Variants in XYLT1 observed in about 807,000 individuals in gnomAD.
The protein encoded by XYLT1 is xylosyltransferase 1.
A neutral mutation model predicts 91.3 loss-of-function variants in XYLT1; 36 were observed. The ratio of observed to expected loss-of-function variants is 0.39; its 90% CI spans 0.30 to 0.52. The LOEUF (loss-of-function observed/expected upper bound fraction) is 0.52. XYLT1 is among the 20% of genes least tolerant of loss of function. The pLI is 0.68. For synonymous variants in XYLT1, 588 were observed against 532.0 expected, an observed-to-expected ratio of 1.11 and a Z score of -1.45; for missense variants, 1,242 against 1,284.5, an observed-to-expected ratio of 0.97 and a Z score of 0.51.
intron 1 of XYLT1, among the ~76,000 whole-genome samples, chr16:17,447,464 G>A (rs1211673730): frequency 7.2e-5 from 11 of 152,206 alleles, no homozygotes; most frequent in South Asian, 4.1e-4. Flanking sequence ...TTTAAGCTCC[G>A]AAAACATTGT....
chr16:17,129,964 G>A lies in XYLT1; in HGVS notation c.2028-2103C>T, dbSNP rs560812559. On this transcript the variant is annotated intron_variant, in intron 9 of 11. Transcript: ENST00000261381. ...GAATCTTCTTTGGACAACAGAAAGTGGTAGAAGGGCTGTCACGTCAGTTCT... is the reference window on the plus strand; with the variant it reads ...GAATCTTCTTTGGACAACAGAAAGTAGTAGAAGGGCTGTCACGTCAGTTCT... 8.5e-5 allele frequency among the ~76,000 whole-genome samples: 13 copies of A among 152,346 alleles called. No homozygotes were observed. The South Asian group carries it at 1.7e-3, about 19-fold the overall frequency.
At position 17,255,095 on chromosome 16, in the gene XYLT1, C is replaced by G. The variant is rs1430868792; in HGVS notation, c.913+3893G>C. Among the ~76,000 whole-genome samples, 4 of 146,682 alleles carry G rather than the reference C, an allele frequency of 2.7e-5. No individual in the cohort carries two copies. The East Asian group carries it at 8.1e-4, about 30-fold the overall frequency. ...CACTGCAACCTCTGCCCCTTGGGTT[C>G]AAGCAATTCTCCTGCCTCAGCCTCT... On this transcript the variant is annotated intron_variant, in intron 3 of 11. Coordinates refer to ENST00000261381, the MANE Select transcript of XYLT1 (RefSeq NM_022166.4).
At chr16:17,317,407 A>T (rs1376576450) in intron 2 of XYLT1, among the ~76,000 whole-genome samples, 3 of 151,690 alleles carry the variant, frequency 2.0e-5, no homozygotes, top group Admixed American at 2.0e-4. Flanking sequence ...CCTAGGCGGG[A>T]GGGTGGTTTG....
intron 2 of XYLT1, among the ~76,000 whole-genome samples, chr16:17,335,561 G>A (rs2034967584): frequency 6.6e-6 from 1 of 151,970 alleles, no homozygotes. Flanking sequence ...ATGGTGGCGG[G>A]CGCCTGTAAT....
At chr16:17,247,170 T>C (rs2033449503) in intron 3 of XYLT1, among the ~76,000 whole-genome samples, 2 of 150,672 alleles carry the variant, frequency 1.3e-5, no homozygotes, top group Admixed American at 6.6e-5. Context: ...CATTCACTCA[T>C]TCACTCATTC....
chr16:17,189,080 C>G (rs2032252604), intron 5 of XYLT1, among the ~76,000 whole-genome samples: 2 of 152,104 alleles, frequency 1.3e-5, no homozygotes, highest in African/African-American at 4.8e-5. Flanking sequence ...AGCCCTGTCT[C>G]CTGAACTCAT....
chr16:17,270,683 C>T (rs1039031982), intron 2 of XYLT1, among the ~76,000 whole-genome samples: 4 of 152,190 alleles, frequency 2.6e-5, no homozygotes, highest in Non-Finnish European at 4.4e-5. Context: ...GGCTTGGCAT[C>T]GCTATTCATT....
chr16:17,170,379 C>T (rs143436684), intron 5 of XYLT1, among the ~76,000 whole-genome samples: 66 of 152,258 alleles, frequency 4.3e-4, no homozygotes, highest in African/African-American at 1.5e-3. Flanking sequence ...CCCAACTGTC[C>T]AGCACAGAGG....
At chr16:17,245,852 G>A (rs2033427847) in intron 3 of XYLT1, among the ~76,000 whole-genome samples, 1 of 152,188 alleles carries the variant, frequency 6.6e-6, no homozygotes, top group African/African-American at 2.4e-5. Context: ...AGAGAAATGG[G>A]AGGTAACCGC....
At chr16:17,131,709 CAAT>C (rs1469608616) in intron 9 of XYLT1, among the ~76,000 whole-genome samples, 1 of 152,120 alleles carries the variant, frequency 6.6e-6, no homozygotes. Flanking sequence ...AAAAAAAAAT[CAAT>C]AAACATTATT....
At chr16:17,418,738 G>C (rs2036211087) in intron 1 of XYLT1, among the ~76,000 whole-genome samples, 1 of 152,008 alleles carries the variant, frequency 6.6e-6, no homozygotes, top group African/African-American at 2.4e-5. Flanking sequence ...GTCCCAGCTA[G>C]TTGGGAGTCT....
intron 1 of XYLT1, 77 bp from the exon 2 acceptor site, chr16:17,358,127 T>C: frequency 7.3e-7 from 1 of 1,375,382 alleles, no homozygotes. Flanking sequence ...TTTTCTTTCT[T>C]TCCTTTTTTT....
At chr16:17,185,105 G>C (rs2032155401) in intron 5 of XYLT1, among the ~76,000 whole-genome samples, 2 of 152,094 alleles carry the variant, frequency 1.3e-5, no homozygotes, top group South Asian at 4.2e-4. Flanking sequence ...CGATGGTCTA[G>C]GTCACTTCTG....
chr16:17,317,232 C>T (rs1295180398), intron 2 of XYLT1, among the ~76,000 whole-genome samples: 1 of 152,162 alleles, frequency 6.6e-6, no homozygotes, highest in Non-Finnish European at 1.5e-5. Context: ...ACTGTAACTT[C>T]TCTTTGGGTC....
intron 1 of XYLT1, among the ~76,000 whole-genome samples, chr16:17,438,146 A>T (rs1280391780): frequency 6.6e-6 from 1 of 152,188 alleles, no homozygotes; most frequent in East Asian, 1.9e-4. Flanking sequence ...GAGAATATTT[A>T]AAAAGGTCTG....
intron 3 of XYLT1, among the ~76,000 whole-genome samples, chr16:17,255,145 C>T (rs1177793982): frequency 1.3e-5 from 2 of 151,786 alleles, no homozygotes; most frequent in Non-Finnish European, 2.9e-5. Context: ...TACAGGTGCA[C>T]ACCACCATGC....
At chr16:17,261,241 CAAA>C (rs10573500) in intron 2 of XYLT1, among the ~76,000 whole-genome samples, 36 of 96,404 alleles carry the variant, frequency 3.7e-4, no homozygotes, top group African/African-American at 7.4e-4. Context: ...AACTGGCTCT[CAAA>C]AAAAAAAAAA....
At chr16:17,332,200 C>G (rs1160585604) in intron 2 of XYLT1, among the ~76,000 whole-genome samples, 1 of 152,220 alleles carries the variant, frequency 6.6e-6, no homozygotes, top group East Asian at 1.9e-4. Context: ...TCTGGTCTGT[C>G]CAGCTTTGGG....
rs2031582151 is a variant in XYLT1 at position 17,162,602 on chromosome 16, TA to T, written c.1290-3694del. 2.6e-5 allele frequency among the ~76,000 whole-genome samples: 4 copies of T among 152,270 alleles called. No homozygotes were observed. The South Asian group carries it at 8.3e-4, about 32-fold the overall frequency. On this transcript the variant is annotated intron_variant, in intron 5 of 11. Transcript: ENST00000261381. ...GAACGAGTGAATGAATGAATGAATG[TA>T]TTCCATTTCAAGTGCAGAAGAAAAA...
Sources: gnomAD v4.1 joint callset for allele counts (sites outside exome capture counted in the v4.1 genomes callset) on GRCh38, gnomAD v4.1.1 for gene constraint, MANE v1.5 for transcripts, NCBI Gene and HGNC (gene_info 2026-07-23, HGNC 2026-07-21) for gene names.